SFTPA1: variants seen among roughly 807,000 people sequenced by gnomAD.
The protein encoded by SFTPA1 is pulmonary surfactant-associated protein A1.
A neutral mutation model predicts 19.1 loss-of-function variants in SFTPA1; 13 were observed. That is an observed-to-expected ratio of 0.68 (90% CI 0.44 to 1.08). The LOEUF (loss-of-function observed/expected upper bound fraction) is 1.08, where lower values mean the gene tolerates loss of function less well. Among genes scored for constraint, SFTPA1 ranks in the 50% least tolerant of loss-of-function variants. SFTPA1 has a pLI of 0.00. For missense variants in SFTPA1, 259 were observed against 316.4 expected, an observed-to-expected ratio of 0.82 and a Z score of 1.38; for synonymous variants, 101 against 117.0, an observed-to-expected ratio of 0.86 and a Z score of 0.88.
intron 1 of SFTPA1, 39 bp from the exon 2 acceptor site, chr10:79,611,280 G>T (rs929682216): frequency 6.6e-6 from 2 of 302,140 alleles, no homozygotes; most frequent in Admixed American, 9.3e-5. Context: ...CTTGAGGGGG[G>T]CCAGGCTGCG....
At position 79,614,022 on chromosome 10, in the gene SFTPA1, G is replaced by A. The variant is rs372941810; in HGVS notation, c.656G>A (p.Arg219Gln). ...TGGTACCGAGGGGAGCCCGCAGGTC[G>A]GGGAAAAGAGCAGTGTGTGGAGATG... ...TNWYRGEPAG[R>Q]GKEQCVEMYT... Residue 219 changes from arginine (R) to glutamine (Q), a missense_variant, in exon 6 of 6, where the codon CGG becomes CAG. Arg to Gln is a conservative substitution (Grantham distance 43). Coordinates refer to ENST00000398636, the MANE Select transcript of SFTPA1 (RefSeq NM_005411.5). 28 of 1,614,040 alleles carry A rather than the reference G, an allele frequency of 1.7e-5. No individual in the cohort carries two copies. Among genetic ancestry groups the A allele is most frequent in the Middle Eastern group, 1.6e-4 (1 of 6,082 alleles).
rs778834030 is a variant in SFTPA1, at chr10:79,615,220, A to G, written c.*1107A>G. 18 of 542,902 alleles carry G rather than the reference A, an allele frequency of 3.3e-5. No individual in the cohort carries two copies. The highest frequency in any genetic ancestry group is 4.7e-5 in the Non-Finnish European group (16 of 341,740). 33.6% of individuals were successfully genotyped at this position (542,902 alleles called of 1,614,324 possible). A position where few individuals can be genotyped will look rare whatever the true frequency, so the allele number is the denominator to read the frequency against. ...CTTCTAATACAGCATATTATGTACT[A>G]TTCAATCTTTACACAATGTCACGGG... On this transcript the variant is annotated 3_prime_UTR_variant, in exon 6 of 6. Coordinates refer to ENST00000398636, the MANE Select transcript of SFTPA1 (RefSeq NM_005411.5).
chr10:79,614,371 C>G lies in SFTPA1; in HGVS notation c.*258C>G, dbSNP rs1059077. On this transcript the variant is annotated 3_prime_UTR_variant, in exon 6 of 6. Transcript: ENST00000398636. ...GGCAGCCACTCTTAGCCTTGGCCTT[C>G]GACATGAGATGGAGCCCTCCTTATT... The G allele has an allele frequency of 1.7e-6, 1 of 591,328 alleles. No individual in the cohort carries two copies. Among genetic ancestry groups the G allele is most frequent in the South Asian group, 2.1e-5 (1 of 48,448 alleles). The allele number at this position is 591,328 out of a possible 1,614,324, so 36.6% of individuals were successfully genotyped here.
At chr10:79,611,700 C>T (rs1859855886) in intron 2 of SFTPA1, 103 bp from the exon 3 acceptor site, 13 of 1,603,454 alleles carry the variant, frequency 8.1e-6, no homozygotes, top group Middle Eastern at 1.9e-4. Context: ...GTCTCGCCCG[C>T]CCTGCCTCTC....
rs1366158557 is a variant in SFTPA1 at position 79,611,469 on chromosome 10, G to C, written c.-24+80G>C. On this transcript the variant is annotated intron_variant, in intron 2 of 5. Transcript: ENST00000398636. ...CGGAAGATTCAGCTGAAGTCAGAGAGGTGAAGCCAGTTTCCCAGGGTAACA... is the reference window on the plus strand; with the variant it reads ...CGGAAGATTCAGCTGAAGTCAGAGACGTGAAGCCAGTTTCCCAGGGTAACA... 9.3e-6 allele frequency: 10 copies of C among 1,080,796 alleles called. No homozygotes were observed. The South Asian group carries it at 1.7e-4, about 18-fold the overall frequency. 67.0% of individuals were successfully genotyped at this position (1,080,796 alleles called of 1,614,324 possible).
At position 79,613,272 on chromosome 10, in the gene SFTPA1, G is replaced by A. The variant is rs1859970366; in HGVS notation, c.370+6G>A. 1 of 1,614,044 alleles carries A rather than the reference G, an allele frequency of 6.2e-7. No individual in the cohort carries two copies. Among genetic ancestry groups the A allele is most frequent in the African/African-American group, 1.3e-5 (1 of 75,018 alleles). ...AATCCTGCAGACAAGGGGAGGTAAG[G>A]GGACCCCCTGGGCCTCACGGGGTAG... On this transcript the variant is annotated splice_donor_region_variant and intron_variant, in intron 5 of 5. Coordinates refer to ENST00000398636, the MANE Select transcript of SFTPA1 (RefSeq NM_005411.5).
At chr10:79,612,249 C>T in intron 3 of SFTPA1, 63 bp from the exon 4 acceptor site, 17 of 1,613,472 alleles carry the variant, frequency 1.1e-5, no homozygotes, top group Non-Finnish European at 1.4e-5. Flanking sequence ...GGCATCGAGT[C>T]TCACTAGCTC....
At chr10:79,612,705 G>A (rs1241424326) in intron 4 of SFTPA1, among the ~76,000 whole-genome samples, 2 of 152,116 alleles carry the variant, frequency 1.3e-5, no homozygotes, top group Admixed American at 6.5e-5. Flanking sequence ...ACAGCACTGG[G>A]AGGCAGGGGA....
In SFTPA1 at chr10:79,614,935, ATC is replaced by A; in HGVS notation, c.*823_*824del. On this transcript the variant is annotated 3_prime_UTR_variant, in exon 6 of 6. Transcript: ENST00000398636. ...CTGGCTCTGCTTTCTCCTTTCATTA[ATC>A]CATTCACCCAGATATTTCATTAAAA... 8.0e-7 allele frequency: 1 copy of A among 1,245,066 alleles called. No homozygotes were observed. The highest frequency in any genetic ancestry group is 1.1e-6 in the Non-Finnish European group (1 of 940,558). 77.1% of individuals were successfully genotyped at this position (1,245,066 alleles called of 1,614,324 possible). A position where few individuals can be genotyped will look rare whatever the true frequency, so the allele number is the denominator to read the frequency against.
rs768978556 is a variant in SFTPA1 at position 79,613,281 on chromosome 10, T to A, written c.370+15T>A. 1.9e-6 allele frequency: 3 copies of A among 1,613,988 alleles called. No individual in the cohort carries two copies. Among genetic ancestry groups the A allele is most frequent in the Non-Finnish European group, 8.5e-7 (1 of 1,179,976 alleles). On this transcript the variant is annotated intron_variant, in intron 5 of 5. Coordinates refer to ENST00000398636, the MANE Select transcript of SFTPA1 (RefSeq NM_005411.5). ...GACAAGGGGAGGTAAGGGGACCCCC[T>A]GGGCCTCACGGGGTAGGAGTTTCCC...
Position 79,614,891 on chromosome 10 carries a change from C to A in SFTPA1, c.*778C>A. 2.2e-6 allele frequency: 2 copies of A among 914,836 alleles called. No homozygotes were observed. Among genetic ancestry groups the A allele is most frequent in the Non-Finnish European group, 3.0e-6 (2 of 662,886 alleles). 56.7% of individuals were successfully genotyped at this position (914,836 alleles called of 1,614,324 possible). On this transcript the variant is annotated 3_prime_UTR_variant, in exon 6 of 6. Transcript: ENST00000398636. ...CCTACTTCAGATTTCAGTGGGCATTCACACCACCCCCCACACCACTGGCTC... is the reference window on the plus strand; with the variant it reads ...CCTACTTCAGATTTCAGTGGGCATTAACACCACCCCCCACACCACTGGCTC...
In SFTPA1 at chr10:79,614,187, G is replaced by A; in HGVS notation, c.*74G>A. The A allele has an allele frequency of 6.2e-7, 1 of 1,612,152 alleles. No homozygotes were observed. The highest frequency in any genetic ancestry group is 2.2e-5 in the East Asian group (1 of 44,848). ...TCCATCCTGAGGCTCCACTTGGTCT[G>A]TGAGATGCTAGAACTCCCTTTCAAC... On this transcript the variant is annotated 3_prime_UTR_variant, in exon 6 of 6. Transcript: ENST00000398636.
At position 79,613,844 on chromosome 10, in the gene SFTPA1, G is replaced by A. The variant is rs368889920; in HGVS notation, c.478G>A (p.Gly160Ser). The A allele has an allele frequency of 6.1e-5, 99 of 1,613,762 alleles. No homozygotes were observed. The highest frequency in any genetic ancestry group is 2.0e-4 in the African/African-American group (15 of 74,912). The change falls in exon 6 of 6, where the codon GGC becomes AGC. Residue 160 changes from glycine to serine, a missense_variant. Physicochemically the swap from Gly to Ser is moderately conservative, Grantham distance 56 (BLOSUM62 0). Coordinates refer to ENST00000398636, the MANE Select transcript of SFTPA1 (RefSeq NM_005411.5). ...AIQEACARAG[G>S]RIAVPRNPEE... Reference sequence around the variant, plus strand: ...TCAGGAGGCATGTGCCAGAGCAGGCGGCCGCATTGCTGTCCCAAGGAATCC... The same window carrying A: ...TCAGGAGGCATGTGCCAGAGCAGGCAGCCGCATTGCTGTCCCAAGGAATCC...
Position 79,611,401 on chromosome 10 carries a change from G to A in SFTPA1, c.-24+12G>A, listed in dbSNP as rs992406000. On this transcript the variant is annotated intron_variant, in intron 2 of 5. Transcript: ENST00000398636. ...GTGTGAGTCAGTGAGTGAGTGACCT[G>A]ACTAATAGCCTGGGAGGGACAGGGC... 2 of 615,272 alleles carry A rather than the reference G, an allele frequency of 3.3e-6. No individual in the cohort carries two copies. The highest frequency in any genetic ancestry group is 3.7e-5 in the African/African-American group (2 of 54,160). The allele number at this position is 615,272 out of a possible 1,614,324, so 38.1% of individuals were successfully genotyped here.
chr10:79,614,721 T>A lies in SFTPA1; in HGVS notation c.*608T>A. 1 of 306,548 alleles carries A rather than the reference T, an allele frequency of 3.3e-6. No individual in the cohort carries two copies. The highest frequency in any genetic ancestry group is 3.3e-5 in the South Asian group (1 of 29,888). 19.0% of individuals were successfully genotyped at this position (306,548 alleles called of 1,614,324 possible). A position where few individuals can be genotyped will look rare whatever the true frequency, so the allele number is the denominator to read the frequency against. On this transcript the variant is annotated 3_prime_UTR_variant, in exon 6 of 6. Transcript: ENST00000398636. ...GGTGGTGGCCAAGCCAACCCCATGA[T>A]TGATGTGTACGATTCACTCCTTTGA...
Position 79,612,493 on chromosome 10 carries a change from C to T in SFTPA1, c.292+62C>T, listed in dbSNP as rs1055822049. The stretch of plus-strand genomic sequence containing the variant: ...GGCACAGCGACCCTGAAGTCAGTTA[C>T]ACGGGGATGATGGGGATCAGACAAA... On this transcript the variant is annotated intron_variant, in intron 4 of 5. Transcript: ENST00000398636. 5 of 1,605,054 alleles carry T rather than the reference C, an allele frequency of 3.1e-6. No individual in the cohort carries two copies. The East Asian group carries it at 6.8e-5, about 22-fold the overall frequency.
In SFTPA1 at chr10:79,614,994, G is replaced by A; in HGVS notation, c.*881G>A. 1 of 1,304,890 alleles carries A rather than the reference G, an allele frequency of 7.7e-7. No individual in the cohort carries two copies. The highest frequency in any genetic ancestry group is 1.0e-6 in the Non-Finnish European group (1 of 988,644). 80.8% of individuals were successfully genotyped at this position (1,304,890 alleles called of 1,614,324 possible). A position where few individuals can be genotyped will look rare whatever the true frequency, so the allele number is the denominator to read the frequency against. On this transcript the variant is annotated 3_prime_UTR_variant, in exon 6 of 6. Transcript: ENST00000398636. ...CGTGCCAGGTCTTAGGATATGTCGT[G>A]GGGTGGGCAAGGTAATCAGTGACAG...
chr10:79,611,659 C>T (rs781223870), intron 2 of SFTPA1, 144 bp from the exon 3 acceptor site: 4 of 1,562,240 alleles, frequency 2.6e-6, no homozygotes, highest in East Asian at 2.4e-5. Context: ...TGGGAATTTT[C>T]CCGGGAGCTT....
intron 4 of SFTPA1, 118 bp from the exon 5 acceptor site, chr10:79,613,071 C>A: frequency 3.8e-6 from 6 of 1,574,710 alleles, no homozygotes; most frequent in Non-Finnish European, 5.2e-6. Flanking sequence ...GTCTGGGTGG[C>A]GCCTAACAGC....
Sources: allele counts gnomAD v4.1 joint callset (sites outside exome capture counted in the v4.1 genomes callset), GRCh38; gene constraint gnomAD v4.1.1; transcripts MANE v1.5; gene names NCBI Gene and HGNC (gene_info 2026-07-23, HGNC 2026-07-21).